Variants in SNRPD2 observed in about 807,000 individuals in gnomAD.
SNRPD2 encodes small nuclear ribonucleoprotein D2 polypeptide, also known as small nuclear ribonucleoprotein Sm D2.
In SNRPD2, 1 loss-of-function variant was observed where a neutral mutation model predicts 11.5. The ratio of observed to expected loss-of-function variants is 0.09; its 90% CI spans 0.03 to 0.41. The LOEUF is 0.41. Ranked by LOEUF, SNRPD2 falls within the 10% of genes least tolerant of loss-of-function variation. SNRPD2 has a pLI of 0.98. For missense variants in SNRPD2, 77 were observed against 154.9 expected (o/e 0.50, Z 2.67); for synonymous variants, 63 against 61.5 (o/e 1.02, Z -0.12).
chr19:45,689,321 AGTG>A lies in SNRPD2; in HGVS notation c.3-758_3-756del, dbSNP rs1476809711. 1.5e-5 allele frequency: 8 copies of A among 519,300 alleles called. No homozygotes were observed. In the African/African-American group the frequency reaches 1.5e-4, roughly 10 times the overall value. 32.2% of individuals were successfully genotyped at this position (519,300 alleles called of 1,614,324 possible). On this transcript the variant is annotated intron_variant, in intron 1 of 2. Coordinates refer to ENST00000342669, the MANE Select transcript of SNRPD2 (RefSeq NM_001384647.1). ...TTCCCTGACAGTCTGTTCTCCACAG[AGTG>A]GTCTGAGGGGGTTGTGCTAAAACCT...
chr19:45,691,793 G>A, intron 1 of SNRPD2, 94 bp downstream of exon 1: 1 of 1,423,698 alleles, frequency 7.0e-7, no homozygotes, highest in Non-Finnish European at 9.9e-7. Flanking sequence ...ATCTGCCCCT[G>A]CCCCCCCCGC....
At position 45,687,812 on chromosome 19, in the gene SNRPD2, C is replaced by T; in HGVS notation, c.183-85G>A. The T allele has an allele frequency of 8.9e-7, 1 of 1,121,854 alleles. No individual in the cohort carries two copies. 69.5% of individuals were successfully genotyped at this position (1,121,854 alleles called of 1,614,324 possible). On this transcript the variant is annotated intron_variant, in intron 2 of 2. Transcript: ENST00000342669. This position sits in a 1 kb window ranked among gnomAD's most constrained non-coding sequence, Gnocchi z 4.1. ...CCTACTGCCTGCTGCTCGCCCCCTC[C>T]AGCAGCATGGCTTGGGGAAGGGTGC...
intron 1 of SNRPD2, among the ~76,000 whole-genome samples, chr19:45,690,409 G>A (rs905223085): frequency 2.6e-5 from 4 of 151,720 alleles, no homozygotes; most frequent in African/African-American, 7.3e-5. Flanking sequence ...GCTGAGGCAG[G>A]AAGATCGCTT....
rs574628928 is a variant in SNRPD2, at chr19:45,688,202, T to C, written c.182+185A>G. Among the ~76,000 whole-genome samples, 1 of 152,062 alleles carries C rather than the reference T, an allele frequency of 6.6e-6. No individual in the cohort carries two copies. Among genetic ancestry groups the C allele is most frequent in the African/African-American group, 2.4e-5 (1 of 41,496 alleles). The stretch of plus-strand genomic sequence containing the variant: ...TTCGCCATTTTAGCTAAGCTGGTCT[T>C]GAACTCCTGACCTCAGGTGATCTAC... On this transcript the variant is annotated intron_variant, in intron 2 of 2. Coordinates refer to ENST00000342669, the MANE Select transcript of SNRPD2 (RefSeq NM_001384647.1). This position sits in a 1 kb window ranked among gnomAD's most constrained non-coding sequence, Gnocchi z 4.1.
Position 45,688,656 on chromosome 19 carries a change from A to G in SNRPD2, c.3-90T>C, listed in dbSNP as rs1466975493. The G allele has an allele frequency of 1.0e-5, 10 of 958,044 alleles. No homozygotes were observed. The highest frequency in any genetic ancestry group is 1.5e-5 in the Non-Finnish European group (9 of 602,650). The allele number at this position is 958,044 out of a possible 1,614,324, so 59.3% of individuals were successfully genotyped here. A position where few individuals can be genotyped will look rare whatever the true frequency, so the allele number is the denominator to read the frequency against. On this transcript the variant is annotated intron_variant, in intron 1 of 2. Transcript: ENST00000342669. This position sits in a 1 kb window ranked among gnomAD's most constrained non-coding sequence, Gnocchi z 4.1. ...GATGGGTGATCAGGGCCTTGGCTTC[A>G]GTGTCTCCCCAACCTTGTCCCACCA...
rs371621859 is a variant in SNRPD2 at position 45,691,896 on chromosome 19, A to C, written c.-8T>G. 6.2e-7 allele frequency: 1 copy of C among 1,614,070 alleles called. No individual in the cohort carries two copies. The highest frequency in any genetic ancestry group is 8.5e-7 in the Non-Finnish European group (1 of 1,179,986). On this transcript the variant is annotated 5_prime_UTR_variant, in exon 1 of 3. Transcript: ENST00000342669. ...CCTAGCCCGGCCTCACATGATGGTC[A>C]CTACGCTCTCCGTTCACTCCCGTTT...
rs1307033578 is a variant in SNRPD2 at position 45,687,640 on chromosome 19, G to T, written c.270C>A (p.Val90=). 6.2e-7 allele frequency: 1 copy of T among 1,614,026 alleles called. No homozygotes were observed. The highest frequency in any genetic ancestry group is 1.1e-5 in the South Asian group (1 of 91,078). The change falls in exon 3 of 3, where the codon GTC becomes GTA. Residue 90 remains valine, a synonymous_variant. Transcript: ENST00000342669. This position sits in a 1 kb window ranked among gnomAD's most constrained non-coding sequence, Gnocchi z 4.1. ...SGKGKKKSKP[V]NKDRYISKMF... is the part of the protein sequence containing the mutation. ...TCTTGGAGATGTAGCGGTCTTTGTT[G>T]ACTGGCTTGGACTTCTTCTTGCCCT...
Position 45,687,763 on chromosome 19 carries a change from AG to A in SNRPD2, c.183-37del, listed in dbSNP as rs1340798333. ...ACAGGGAGGGGAGGCACTGGGCGTG[AG>A]GGGCGTGCCTCTGACAGTGCCCCCT... is the stretch of plus-strand genomic sequence containing the variant. On this transcript the variant is annotated intron_variant, in intron 2 of 2. Transcript: ENST00000342669. The surrounding 1 kb of genome is among the most constrained non-coding windows in gnomAD (Gnocchi z 4.1). 1 of 1,569,144 alleles carries A rather than the reference AG, an allele frequency of 6.4e-7. No homozygotes were observed. The highest frequency in any genetic ancestry group is 1.4e-5 in the African/African-American group (1 of 73,878).
At chr19:45,691,423 C>A in intron 1 of SNRPD2, 1 of 158,812 alleles carries the variant, frequency 6.3e-6, no homozygotes, top group Non-Finnish European at 1.4e-5. Context: ...TGAGCCACCG[C>A]GCTCGGCCTC....
intron 1 of SNRPD2, 97 bp downstream of exon 1, chr19:45,691,790 C>T: frequency 6.9e-7 from 1 of 1,455,912 alleles, no homozygotes; most frequent in Non-Finnish European, 9.6e-7. Flanking sequence ...AACATCTGCC[C>T]CTGCCCCCCC....
At position 45,691,716 on chromosome 19, in the gene SNRPD2, G is replaced by A. The variant is rs73573301; in HGVS notation, c.2+171C>T. ...CTGTCCCCTCTCCCGAAGTCACGAT[G>A]CGTCAAAGGCCCCACGCCCGTTCTC... On this transcript the variant is annotated intron_variant, in intron 1 of 2. Coordinates refer to ENST00000342669, the MANE Select transcript of SNRPD2 (RefSeq NM_001384647.1). 0.017 allele frequency: 13,649 copies of A among 799,652 alleles called. 1,325 individuals are homozygous for A. The African/African-American group carries it at 0.21, about 12-fold the overall frequency. The allele number at this position is 799,652 out of a possible 1,614,324, so 49.5% of individuals were successfully genotyped here.
At chr19:45,690,729 G>C (rs1020061141) in intron 1 of SNRPD2, 4 of 151,766 alleles carry the variant, frequency 2.6e-5, no homozygotes, top group Non-Finnish European at 5.9e-5. Context: ...CTACTCGGGA[G>C]GCTGAGGCAG....
At chr19:45,692,023 T>A (rs1381391737), upstream of SNRPD2, 3 of 1,600,948 alleles carry the variant, frequency 1.9e-6, no homozygotes, top group Admixed American at 1.7e-5. Flanking sequence ...AGTGGAGGCG[T>A]GGCCTGTTGC....
At position 45,691,718 on chromosome 19, in the gene SNRPD2, G is replaced by T. The variant is rs191711931; in HGVS notation, c.2+169C>A. 1.6e-4 allele frequency: 133 copies of T among 840,780 alleles called. 1 individual carries two copies. The African/African-American group carries it at 1.8e-3, about 11-fold the overall frequency. 52.1% of individuals were successfully genotyped at this position (840,780 alleles called of 1,614,324 possible). A position where few individuals can be genotyped will look rare whatever the true frequency, so the allele number is the denominator to read the frequency against. On this transcript the variant is annotated intron_variant, in intron 1 of 2. Coordinates refer to ENST00000342669, the MANE Select transcript of SNRPD2 (RefSeq NM_001384647.1). Reference sequence around the variant, plus strand: ...GTCCCCTCTCCCGAAGTCACGATGCGTCAAAGGCCCCACGCCCGTTCTCAA... The same window carrying T: ...GTCCCCTCTCCCGAAGTCACGATGCTTCAAAGGCCCCACGCCCGTTCTCAA...
chr19:45,691,875 G>T lies in SNRPD2; in HGVS notation c.2+12C>A. 1.2e-6 allele frequency: 2 copies of T among 1,613,962 alleles called. No homozygotes were observed. The highest frequency in any genetic ancestry group is 1.7e-6 in the Non-Finnish European group (2 of 1,179,950). ...ACCTCATTCCCGCCGCCTAAGCCTA[G>T]CCCGGCCTCACATGATGGTCACTAC... On this transcript the variant is annotated intron_variant, in intron 1 of 2. Transcript: ENST00000342669.
At chr19:45,692,074 A>C, upstream of SNRPD2, 1 of 1,506,720 alleles carries the variant, frequency 6.6e-7, no homozygotes, top group Middle Eastern at 1.8e-4. Context: ...ATGGAATAAA[A>C]GCTTCGGGTA....
At chr19:45,689,776 G>A (rs1186607961) in intron 1 of SNRPD2, among the ~76,000 whole-genome samples, 1 of 152,166 alleles carries the variant, frequency 6.6e-6, no homozygotes. Context: ...GCTCACGCCT[G>A]TAATCCCAGC....
At chr19:45,689,539 TA>T (rs956327392) in intron 1 of SNRPD2, among the ~76,000 whole-genome samples, 8 of 150,572 alleles carry the variant, frequency 5.3e-5, no homozygotes, top group African/African-American at 1.7e-4. Flanking sequence ...AAAACAACAA[TA>T]AAAAAAACAA....
chr19:45,690,690 G>C (rs1259160423), intron 1 of SNRPD2: 1 of 151,868 alleles, frequency 6.6e-6, no homozygotes, highest in African/African-American at 2.4e-5. Context: ...AAGTTAGCTG[G>C]GCATGGTGGT....
Sources: gnomAD v4.1 joint callset for allele counts (sites outside exome capture counted in the v4.1 genomes callset) on GRCh38, gnomAD v4.1.1 for gene constraint, Gnocchi (gnomAD v3.1) non-coding constraint, MANE v1.5 for transcripts, NCBI Gene and HGNC (gene_info 2026-07-23, HGNC 2026-07-21) for gene names.